EEF1AKMT2: variants seen among roughly 807,000 people sequenced by gnomAD.
EEF1AKMT2 encodes the protein EEF1A lysine methyltransferase 2.
EEF1AKMT2 carries 32 observed loss-of-function variants against 35.8 expected under a neutral mutation model. The observed-to-expected ratio is 0.89, with a 90% CI of 0.67 to 1.20. EEF1AKMT2 has a LOEUF of 1.20. Among genes scored for constraint, EEF1AKMT2 ranks in the 50% most tolerant of loss-of-function variants. The probability of loss-of-function intolerance (pLI) is 0.00; values close to 1 mark genes in which losing one functional copy is unlikely to be tolerated. For missense variants in EEF1AKMT2, 330 were observed against 347.5 expected, an observed-to-expected ratio of 0.95 and a Z score of 0.40; for synonymous variants, 121 against 133.7, an observed-to-expected ratio of 0.91 and a Z score of 0.65.
chr10:124,771,159 GC>G (rs1950430596), intron 4 of EEF1AKMT2, among the ~76,000 whole-genome samples: 2 of 151,822 alleles, frequency 1.3e-5, no homozygotes, highest in Non-Finnish European at 2.9e-5. Flanking sequence ...GAGTGCAGCG[GC>G]TAGATCTCAG....
intron 3 of EEF1AKMT2, among the ~76,000 whole-genome samples, chr10:124,780,341 T>C (rs1589789738): frequency 1.0e-5 from 1 of 99,108 alleles, no homozygotes; most frequent in South Asian, 2.8e-4. Flanking sequence ...ACTATAGAGA[T>C]GTAATTAGAA....
At chr10:124,765,719 C>T (rs1240813397) in intron 4 of EEF1AKMT2, 111 bp from the exon 5 acceptor site, 1 of 725,900 alleles carries the variant, frequency 1.4e-6, no homozygotes, top group African/African-American at 1.8e-5. Context: ...ATTATAATGG[C>T]ATTTTACATA....
chr10:124,776,333 A>C (rs1564905706), intron 3 of EEF1AKMT2, among the ~76,000 whole-genome samples: 1 of 152,220 alleles, frequency 6.6e-6, no homozygotes, highest in Admixed American at 6.5e-5. Flanking sequence ...ATGAGCAGAC[A>C]TTCAAGGAAA....
chr10:124,772,055 A>C (rs541017158), intron 4 of EEF1AKMT2, among the ~76,000 whole-genome samples: 44 of 152,270 alleles, frequency 2.9e-4, no homozygotes, highest in African/African-American at 9.1e-4. Context: ...TTGTTGTTCC[A>C]TTTATAGAGC....
chr10:124,775,481 C>G (rs1431132926), intron 3 of EEF1AKMT2, among the ~76,000 whole-genome samples: 1 of 152,254 alleles, frequency 6.6e-6, no homozygotes, highest in South Asian at 2.1e-4. Context: ...CACCCCCTAA[C>G]AACACTAAAC....
intron 3 of EEF1AKMT2, among the ~76,000 whole-genome samples, chr10:124,782,581 CAAAAAA>C (rs34882125): frequency 3.2e-5 from 2 of 62,400 alleles, no homozygotes; most frequent in Admixed American, 2.3e-4. Flanking sequence ...GACTCCGTCT[CAAAAAA>C]AAAAAAAAAA....
At chr10:124,780,822 C>CA (rs533822558) in intron 3 of EEF1AKMT2, among the ~76,000 whole-genome samples, 51 of 151,728 alleles carry the variant, frequency 3.4e-4, no homozygotes, top group African/African-American at 1.1e-3. Flanking sequence ...AAGCAAACTG[C>CA]AAAAAACAAA....
intron 3 of EEF1AKMT2, among the ~76,000 whole-genome samples, chr10:124,777,497 C>T (rs965529053): frequency 2.0e-5 from 3 of 151,590 alleles, no homozygotes; most frequent in Admixed American, 6.6e-5. Flanking sequence ...AACTGTAGCA[C>T]GATGGTATCT....
At chr10:124,769,547 A>C (rs1455251423) in intron 4 of EEF1AKMT2, among the ~76,000 whole-genome samples, 1 of 152,180 alleles carries the variant, frequency 6.6e-6, no homozygotes, top group East Asian at 1.9e-4. Flanking sequence ...CAAACACCAC[A>C]ATGAAGCAAG....
intron 3 of EEF1AKMT2, among the ~76,000 whole-genome samples, chr10:124,785,559 A>G (rs926027195): frequency 7.9e-5 from 12 of 152,138 alleles, no homozygotes; most frequent in African/African-American, 2.7e-4. Flanking sequence ...AAACAATCCA[A>G]TTTAAAAATG....
rs1554918000 is a variant in EEF1AKMT2 at position 124,774,406 on chromosome 10, A to AAAAAAAAG, written c.399+268_399+269insCTTTTTTT. ...AAAAAAAAAAAAAAAAAAAAAAAAA[A>AAAAAAAAG]AAAACCCTTTTGATCTGGTTAATCC... On this transcript the variant is annotated intron_variant, in intron 4 of 6. Transcript: ENST00000368836. Among the ~76,000 whole-genome samples the AAAAAAAAG allele has an allele frequency of 4.3e-4, 21 of 48,508 alleles. 6 individuals carry two copies. The East Asian group carries it at 6.2e-3, about 14-fold the overall frequency. The allele number at this position is 48,508 out of a possible 152,430, so 31.8% of individuals were successfully genotyped here. A position where few individuals can be genotyped will look rare whatever the true frequency, so the allele number is the denominator to read the frequency against.
intron 1 of EEF1AKMT2, 45 bp downstream of exon 1, chr10:124,791,679 G>A (rs1950635948): frequency 6.5e-7 from 1 of 1,544,644 alleles, no homozygotes; most frequent in South Asian, 1.2e-5. Flanking sequence ...CGGGGCCCAG[G>A]CAGGGCGGCA....
At chr10:124,781,032 G>A (rs559599236) in intron 3 of EEF1AKMT2, among the ~76,000 whole-genome samples, 23 of 151,612 alleles carry the variant, frequency 1.5e-4, no homozygotes, top group Non-Finnish European at 2.9e-5. Context: ...TGCAACCCCC[G>A]CCTCCCGGGT....
chr10:124,773,838 GA>G (rs1457929500), intron 4 of EEF1AKMT2, among the ~76,000 whole-genome samples: 1 of 152,066 alleles, frequency 6.6e-6, no homozygotes, highest in Non-Finnish European at 1.5e-5. Flanking sequence ...ACATGCTGTT[GA>G]AAAAATGGTG....
At chr10:124,775,683 C>T (rs1454032306) in intron 3 of EEF1AKMT2, among the ~76,000 whole-genome samples, 1 of 152,200 alleles carries the variant, frequency 6.6e-6, no homozygotes, top group African/African-American at 2.4e-5. Flanking sequence ...CCCTAAGTAA[C>T]TGATTCCTAA....
chr10:124,774,541 G>A (rs970888475), intron 4 of EEF1AKMT2, 134 bp downstream of exon 4: 7 of 447,832 alleles, frequency 1.6e-5, no homozygotes, highest in African/African-American at 1.4e-4. Flanking sequence ...TTTTAATATG[G>A]CTATTTAAAA....
At chr10:124,790,989 T>G (rs192857530) in intron 1 of EEF1AKMT2, among the ~76,000 whole-genome samples, 5 of 152,276 alleles carry the variant, frequency 3.3e-5, no homozygotes, top group Non-Finnish European at 7.4e-5. Flanking sequence ...GGTCTCGATC[T>G]CCTGACCTTG....
intron 4 of EEF1AKMT2, among the ~76,000 whole-genome samples, chr10:124,766,010 C>G (rs1950375888): frequency 1.3e-5 from 2 of 152,118 alleles, no homozygotes. Flanking sequence ...AATAAGATTT[C>G]TTGAAGACAG....
At chr10:124,762,232 T>C (rs1950337796) in intron 6 of EEF1AKMT2, 68 bp downstream of exon 6, 16 of 1,040,692 alleles carry the variant, frequency 1.5e-5, no homozygotes, top group Non-Finnish European at 1.9e-5. Flanking sequence ...AGTGTTTTCC[T>C]AAACTATGAA....
Sources: gnomAD v4.1 joint callset for allele counts (sites outside exome capture counted in the v4.1 genomes callset) on GRCh38, gnomAD v4.1.1 for gene constraint, MANE v1.5 for transcripts, NCBI Gene and HGNC (gene_info 2026-07-23, HGNC 2026-07-21) for gene names.